The following PLCG1 variants were observed in gnomAD, a reference collection of about 807,000 sequenced individuals.
The protein encoded by PLCG1 is 1-phosphatidylinositol 4,5-bisphosphate phosphodiesterase gamma-1.
PLCG1 carries 71 observed loss-of-function variants against 177.8 expected under a neutral mutation model. The ratio of observed to expected loss-of-function variants is 0.40; its 90% confidence interval spans 0.33 to 0.49. The LOEUF is 0.49. Ranked by LOEUF, PLCG1 falls within the 20% of genes least tolerant of loss-of-function variation. The pLI is 0.72. For synonymous variants in PLCG1, 658 were observed against 647.9 expected (o/e 1.02, Z -0.24); for missense variants, 1,281 against 1,709.0 (o/e 0.75, Z 4.42).
chr20:41,149,219 C>T (rs1463046239), intron 1 of PLCG1, among the ~76,000 whole-genome samples: 2 of 152,216 alleles, frequency 1.3e-5, no homozygotes, highest in Non-Finnish European at 2.9e-5. Context: ...CTAACGTAAG[C>T]TATCTAGCAT....
In PLCG1 at chr20:41,164,973, G is replaced by A. The variant is rs772607034; in HGVS notation, c.1258G>A (p.Ala420Thr). Reference protein sequence around the residue: ...ILSIEDHCSIAQQRNMAQYFK... With the variant: ...ILSIEDHCSITQQRNMAQYFK... ...GTCCATTGAGGACCACTGCAGCATT[G>A]CCCAGCAGAGAAACATGGCCCAATA... The change falls in exon 13 of 32, where the codon GCC becomes ACC. Residue 420 changes from alanine (A) to threonine (T), a missense_variant. This residue lies in a region of PLCG1 where 723 missense variants were observed against 1,030.0 expected (regional missense o/e 0.70). Coordinates refer to ENST00000685551, the MANE Select transcript of PLCG1 (RefSeq NM_002660.3). This position sits in a 1 kb window ranked among gnomAD's most constrained non-coding sequence, Gnocchi z 6.4. 5.0e-6 allele frequency: 8 copies of A among 1,614,066 alleles called. No homozygotes were observed. In the Admixed American group the frequency reaches 1.0e-4, roughly 20 times the overall value.
At position 41,174,337 on chromosome 20, in the gene PLCG1, G is replaced by C. The variant is rs375157271; in HGVS notation, c.3833+26G>C. ...GTGAGGAAGATGGAGGGGTGCTAGAGCCAGGAAGGCAGTGGCTAGGTCCTC... is the reference window on the plus strand; with the variant it reads ...GTGAGGAAGATGGAGGGGTGCTAGACCCAGGAAGGCAGTGGCTAGGTCCTC... On this transcript the variant is annotated intron_variant, in intron 31 of 31. Transcript: ENST00000685551. This position sits in a 1 kb window ranked among gnomAD's most constrained non-coding sequence, Gnocchi z 5.8. The C allele has an allele frequency of 6.2e-7, 1 of 1,609,022 alleles. No homozygotes were observed. Among genetic ancestry groups the C allele is most frequent in the Non-Finnish European group, 8.5e-7 (1 of 1,175,676 alleles).
chr20:41,162,241 T>G lies in PLCG1; in HGVS notation c.513-211T>G, dbSNP rs866555872. 2.4e-3 allele frequency: 675 copies of G among 284,402 alleles called. 7 individuals are homozygous for G. Among genetic ancestry groups the G allele is most frequent in the African/African-American group, 0.013 (569 of 42,816 alleles). The allele number at this position is 284,402 out of a possible 1,614,324, so 17.6% of individuals were successfully genotyped here. On this transcript the variant is annotated intron_variant, in intron 4 of 31. Transcript: ENST00000685551. ...TTTTGTTTGTTTTGTTTTTGTTTTT[T>G]TTTTTTTTTTTTTTGCTCAGATGAG...
chr20:41,138,981 TAGAG>T (rs2034718642), intron 1 of PLCG1, among the ~76,000 whole-genome samples: 1 of 151,562 alleles, frequency 6.6e-6, no homozygotes, highest in African/African-American at 2.4e-5. Context: ...AGACTAGGGT[TAGAG>T]AGACCCAGGC....
chr20:41,160,960 T>C lies in PLCG1; in HGVS notation c.512+807T>C, dbSNP rs2146034164. 6.6e-6 allele frequency among the ~76,000 whole-genome samples: 1 copy of C among 152,256 alleles called. No individual in the cohort carries two copies. The highest frequency in any genetic ancestry group is 2.4e-5 in the African/African-American group (1 of 41,546). ...GAGGCATGTTAAGTTTTCTGATGCC[T>C]ATTAGCTGTCCAGGGAGAGATGTTG... On this transcript the variant is annotated intron_variant, in intron 4 of 31. Transcript: ENST00000685551. The surrounding 1 kb of genome is among the most constrained non-coding windows in gnomAD (Gnocchi z 5.5).
Position 41,174,173 on chromosome 20 carries a change from G to C in PLCG1, c.3695G>C (p.Arg1232Pro), listed in dbSNP as rs201677341. ...TTCAGTGGTACGTCCCTGCGGGAGCGGGGCTCAGATGCCTCAGGCCAGCTG... is the reference window on the plus strand; with the variant it reads ...TTCAGTGGTACGTCCCTGCGGGAGCCGGGCTCAGATGCCTCAGGCCAGCTG... ...SPFSGTSLRE[R>P]GSDASGQLFH... Residue 1232 changes from arginine (R) to proline (P), a missense_variant, in exon 31 of 32, where the codon CGG becomes CCG. This residue lies in a region of PLCG1 where 153 missense variants were observed against 153.2 expected (regional missense o/e 1.00). Transcript: ENST00000685551. This position sits in a 1 kb window ranked among gnomAD's most constrained non-coding sequence, Gnocchi z 5.8. 1.2e-6 allele frequency: 2 copies of C among 1,614,110 alleles called. No individual in the cohort carries two copies. The highest frequency in any genetic ancestry group is 1.7e-5 in the Admixed American group (1 of 60,026).
chr20:41,170,135 A>C lies in PLCG1; in HGVS notation c.2674A>C (p.Asn892His). ...AGCCATCCGTCCTGAGGGCAAGAAC[A>C]ACCGGCTCTTCGTCTTCTCCATCAG... ...QIAIRPEGKN[N>H]RLFVFSISMA... Residue 892 changes from asparagine (N) to histidine (H), a missense_variant, in exon 24 of 32, where the codon AAC becomes CAC. Asn to His is a moderately conservative substitution (Grantham distance 68). Around this residue, in one of 4 missense-constraint regions of PLCG1, gnomAD observed 723 missense variants for 1,030.0 expected, o/e 0.70. Transcript: ENST00000685551. 6.2e-7 allele frequency: 1 copy of C among 1,613,656 alleles called. No homozygotes were observed. Among genetic ancestry groups the C allele is most frequent in the African/African-American group, 1.3e-5 (1 of 75,040 alleles).
chr20:41,168,758 C>T lies in PLCG1; in HGVS notation c.2380-9C>T, dbSNP rs777494955. 2.5e-6 allele frequency: 4 copies of T among 1,570,050 alleles called. No individual in the cohort carries two copies. The South Asian group carries it at 4.5e-5, about 18-fold the overall frequency. Reference sequence around the variant, plus strand: ...TTTCTGCTCTGACTGGTGCTTCTCACCTCTGCAGTGTGCAGTCAAAGCCCT... The same window carrying T: ...TTTCTGCTCTGACTGGTGCTTCTCATCTCTGCAGTGTGCAGTCAAAGCCCT... On this transcript the variant is annotated splice_polypyrimidine_tract_variant and intron_variant, in intron 20 of 31. Transcript: ENST00000685551.
At position 41,167,694 on chromosome 20, in the gene PLCG1, A is replaced by G. The variant is rs1042307892; in HGVS notation, c.2302-158A>G. 4 of 621,852 alleles carry G rather than the reference A, an allele frequency of 6.4e-6. No individual in the cohort carries two copies. Among genetic ancestry groups the G allele is most frequent in the Non-Finnish European group, 1.2e-5 (4 of 345,388 alleles). The allele number at this position is 621,852 out of a possible 1,614,324, so 38.5% of individuals were successfully genotyped here. A position where few individuals can be genotyped will look rare whatever the true frequency, so the allele number is the denominator to read the frequency against. On this transcript the variant is annotated intron_variant, in intron 19 of 31. Coordinates refer to ENST00000685551, the MANE Select transcript of PLCG1 (RefSeq NM_002660.3). This position sits in a 1 kb window ranked among gnomAD's most constrained non-coding sequence, Gnocchi z 4.4. The stretch of plus-strand genomic sequence containing the variant: ...AAAGGGAACAGTGAGGCCGGGCCTG[A>G]GGCCTCTGAAGCCGTCTCTACTGAG...
rs775751956 is a variant in PLCG1 at position 41,174,532 on chromosome 20, A to T, written c.*23A>T. 2.0e-5 allele frequency: 31 copies of T among 1,573,114 alleles called. No homozygotes were observed. The highest frequency in any genetic ancestry group is 2.7e-5 in the Non-Finnish European group (31 of 1,157,928). On this transcript the variant is annotated 3_prime_UTR_variant, in exon 32 of 32. Transcript: ENST00000685551. The surrounding 1 kb of genome is among the most constrained non-coding windows in gnomAD (Gnocchi z 5.8). ...TAGTTGTACCCCAGCCTCGTTGGAG[A>T]GCAGCAGGTGCTGTGCGCCTTGTAG... is the stretch of plus-strand genomic sequence containing the variant.
Position 41,165,083 on chromosome 20 carries a change from G to A in PLCG1, c.1368G>A (p.Lys456=). ...ADGLPSPNQL[K]RKILIKHKKL... is the part of the protein sequence containing the mutation. ...GGCTCCCCTCACCCAACCAGCTTAAGAGGAAGATCCTCATCAAGGTGGGGT... is the reference window on the plus strand; with the variant it reads ...GGCTCCCCTCACCCAACCAGCTTAAAAGGAAGATCCTCATCAAGGTGGGGT... The change falls in exon 13 of 32, where the codon AAG becomes AAA. Residue 456 remains lysine (K), a synonymous_variant. Transcript: ENST00000685551. This position sits in a 1 kb window ranked among gnomAD's most constrained non-coding sequence, Gnocchi z 6.6. The A allele has an allele frequency of 1.2e-6, 2 of 1,613,526 alleles. No individual in the cohort carries two copies. The highest frequency in any genetic ancestry group is 1.1e-5 in the South Asian group (1 of 90,990).
Position 41,146,948 on chromosome 20 carries a change from G to T in PLCG1, c.217+9090G>T, listed in dbSNP as rs769975395. On this transcript the variant is annotated intron_variant, in intron 1 of 31. Coordinates refer to ENST00000685551, the MANE Select transcript of PLCG1 (RefSeq NM_002660.3). This position sits in a 1 kb window ranked among gnomAD's most constrained non-coding sequence, Gnocchi z 6.3. ...GGCCATAGGTCCCACAGGTTTCTCA[G>T]CTTACTTGGGGGCAGGAGGTGAGCT... 5.2e-4 allele frequency among the ~76,000 whole-genome samples: 79 copies of T among 152,278 alleles called. No individual in the cohort carries two copies. The highest frequency in any genetic ancestry group is 1.0e-3 in the Admixed American group (16 of 15,302).
Position 41,167,710 on chromosome 20 carries a change from C to T in PLCG1, c.2302-142C>T. The T allele has an allele frequency of 1.5e-6, 1 of 651,180 alleles. No individual in the cohort carries two copies. The highest frequency in any genetic ancestry group is 1.8e-5 in the African/African-American group (1 of 55,288). The allele number at this position is 651,180 out of a possible 1,614,324, so 40.3% of individuals were successfully genotyped here. ...CCGGGCCTGAGGCCTCTGAAGCCGT[C>T]TCTACTGAGGTCGAAGGATCCCTGT... On this transcript the variant is annotated intron_variant, in intron 19 of 31. Coordinates refer to ENST00000685551, the MANE Select transcript of PLCG1 (RefSeq NM_002660.3). The surrounding 1 kb of genome is among the most constrained non-coding windows in gnomAD (Gnocchi z 4.4).
chr20:41,174,644 T>G lies in PLCG1; in HGVS notation c.*135T>G, dbSNP rs2036008250. The G allele has an allele frequency of 1.3e-6, 1 of 750,726 alleles. No homozygotes were observed. The highest frequency in any genetic ancestry group is 2.3e-6 in the Non-Finnish European group (1 of 437,652). 46.5% of individuals were successfully genotyped at this position (750,726 alleles called of 1,614,324 possible). On this transcript the variant is annotated 3_prime_UTR_variant, in exon 32 of 32. Transcript: ENST00000685551. This position sits in a 1 kb window ranked among gnomAD's most constrained non-coding sequence, Gnocchi z 5.8. ...CTGAAGCCTGGATTCCAGCAGTGAA[T>G]GCTAGACAGAAACCAAGCCATTAAT...
rs2036052487 is a variant in PLCG1 at position 41,175,895 on chromosome 20, G to A, written c.*1386G>A. ...CCTCCTCTGGGCTAACAGGAGTTGT[G>A]GGTCCACTCTCTCCTGCCCACCCTC... is the stretch of plus-strand genomic sequence containing the variant. On this transcript the variant is annotated 3_prime_UTR_variant, in exon 32 of 32. Transcript: ENST00000685551. 1.3e-5 allele frequency: 2 copies of A among 152,464 alleles called. No homozygotes were observed. Among genetic ancestry groups the A allele is most frequent in the South Asian group, 4.1e-4 (2 of 4,820 alleles). 9.4% of individuals were successfully genotyped at this position (152,464 alleles called of 1,614,324 possible). A position where few individuals can be genotyped will look rare whatever the true frequency, so the allele number is the denominator to read the frequency against.
Position 41,159,750 on chromosome 20 carries a change from G to A in PLCG1, c.362G>A (p.Ser121Asn). 1 of 1,614,232 alleles carries A rather than the reference G, an allele frequency of 6.2e-7. No individual in the cohort carries two copies. ...YGMEFRLKTLSLQATSEDEVN... is the reference protein window; with the variant it reads ...YGMEFRLKTLNLQATSEDEVN... ...ATGGAATTTCGCCTGAAAACGCTGA[G>A]CCTGCAAGGTGGGAGTTAAGGGGGT... The change falls in exon 2 of 32, where the codon AGC becomes AAC. Residue 121 changes from serine to asparagine, a missense_variant. Ser to Asn is a conservative substitution (Grantham distance 46, BLOSUM62 1). This residue lies in a region of PLCG1 where 374 missense variants were observed against 443.8 expected (regional missense o/e 0.84). Coordinates refer to ENST00000685551, the MANE Select transcript of PLCG1 (RefSeq NM_002660.3). This position sits in a 1 kb window ranked among gnomAD's most constrained non-coding sequence, Gnocchi z 6.0.
chr20:41,166,292 A>G lies in PLCG1; in HGVS notation c.1898A>G (p.Tyr633Cys), dbSNP rs1299624606. ...GACAACCTCGTCTTTGACTCCCTCT[A>G]TGACCTCATCACGCACTACCAGCAG... ...LTDNLVFDSL[Y>C]DLITHYQQVP... Residue 633 changes from tyrosine (Y) to cysteine (C), a missense_variant, in exon 17 of 32, where the codon TAT becomes TGT. Around this residue, in one of 4 missense-constraint regions of PLCG1, gnomAD observed 723 missense variants for 1,030.0 expected, o/e 0.70. Coordinates refer to ENST00000685551, the MANE Select transcript of PLCG1 (RefSeq NM_002660.3). This position sits in a 1 kb window ranked among gnomAD's most constrained non-coding sequence, Gnocchi z 8.6. 8 of 1,613,974 alleles carry G rather than the reference A, an allele frequency of 5.0e-6. No homozygotes were observed. The highest frequency in any genetic ancestry group is 4.0e-5 in the African/African-American group (3 of 74,910).
chr20:41,165,753 A>T lies in PLCG1; in HGVS notation c.1726A>T (p.Thr576Ser). The T allele has an allele frequency of 6.2e-7, 1 of 1,611,806 alleles. No individual in the cohort carries two copies. Among genetic ancestry groups the T allele is most frequent in the Non-Finnish European group, 8.5e-7 (1 of 1,178,270 alleles). Reference sequence around the variant, plus strand: ...CCTGCTTACTGAGTACTGCATCGAGACCGGAGCCCCTGACGGCTCCTTCCT... The same window carrying T: ...CCTGCTTACTGAGTACTGCATCGAGTCCGGAGCCCCTGACGGCTCCTTCCT... The part of the protein sequence containing the change: ...ERLLTEYCIE[T>S]GAPDGSFLVR... The change falls in exon 16 of 32, where the codon ACC becomes TCC. Residue 576 changes from threonine (T) to serine (S), a missense_variant. Coordinates refer to ENST00000685551, the MANE Select transcript of PLCG1 (RefSeq NM_002660.3). This position sits in a 1 kb window ranked among gnomAD's most constrained non-coding sequence, Gnocchi z 6.6.
At chr20:41,158,171 C>T (rs928788002) in intron 1 of PLCG1, among the ~76,000 whole-genome samples, 2 of 152,070 alleles carry the variant, frequency 1.3e-5, no homozygotes, top group African/African-American at 4.8e-5. Context: ...AGTTTTGTGA[C>T]AGTTGCTAGA....
Sources: gnomAD v4.1 joint callset for allele counts (sites outside exome capture counted in the v4.1 genomes callset) on GRCh38, gnomAD v4.1.1 for gene constraint, gnomAD v4.1.1 regional missense constraint, Gnocchi (gnomAD v3.1) non-coding constraint, MANE v1.5 for transcripts, NCBI Gene and HGNC (gene_info 2026-07-23, HGNC 2026-07-21) for gene names.